Variants in MPDZ observed in about 807,000 individuals in gnomAD.
MPDZ encodes the protein multiple PDZ domain protein.
In MPDZ, 234 loss-of-function variants were observed where a neutral mutation model predicts 239.1. That is an observed-to-expected ratio of 0.98 (90% CI 0.88 to 1.09). The LOEUF (loss-of-function observed/expected upper bound fraction) is 1.09, where lower values mean the gene tolerates loss of function less well. MPDZ is among the 50% of genes least tolerant of loss of function. MPDZ has a pLI of 0.00. For synonymous variants in MPDZ, 1,048 were observed against 881.3 expected, an observed-to-expected ratio of 1.19 and a Z score of -3.35; for missense variants, 3,175 against 2,510.0, an observed-to-expected ratio of 1.26 and a Z score of -5.66.
Position 13,115,248 on chromosome 9 carries a change from C to T in MPDZ, c.5466G>A (p.Gln1822=). ...HSERRPSQSS[Q]VSEGSLSSFT... ...CCTGATGAACTCCACAGCTACCCAC[C>T]TGGCTGCTTTGAGATGGCCTCCTCT... Residue 1822 remains glutamine, a splice_region_variant and synonymous_variant, in exon 40 of 47, where the codon CAG becomes CAA. Coordinates refer to ENST00000319217, the MANE Select transcript of MPDZ (RefSeq NM_001378778.1). 2 of 1,612,022 alleles carry T rather than the reference C, an allele frequency of 1.2e-6. No individual in the cohort carries two copies. Among genetic ancestry groups the T allele is most frequent in the Non-Finnish European group, 1.7e-6 (2 of 1,179,290 alleles).
intron 36 of MPDZ, 107 bp from the exon 37 acceptor site, chr9:13,122,277 A>G (rs1409271914): frequency 1.4e-5 from 14 of 979,952 alleles, no homozygotes; most frequent in Non-Finnish European, 2.0e-5. Context: ...AATAAGGGTT[A>G]TAAACTCTGG....
At chr9:13,131,626 T>G (rs1052747736) in intron 32 of MPDZ, among the ~76,000 whole-genome samples, 4 of 152,156 alleles carry the variant, frequency 2.6e-5, no homozygotes, top group Non-Finnish European at 4.4e-5. Context: ...TCTCCACTGA[T>G]AACAAGTTTC....
Position 13,222,418 on chromosome 9 carries a change from T to G in MPDZ, c.562A>C (p.Ile188Leu). 1.2e-6 allele frequency: 2 copies of G among 1,612,336 alleles called. No homozygotes were observed. Among genetic ancestry groups the G allele is most frequent in the South Asian group, 1.1e-5 (1 of 90,990 alleles). The change falls in exon 6 of 47, where the codon ATT (isoleucine) becomes CTT (leucine). Residue 188 changes from isoleucine to leucine, a missense_variant. Ile to Leu is a conservative substitution (Grantham distance 5). Transcript: ENST00000319217. ...AGAGCCTGTCCATTGATAGCAAGAA[T>G]TTGATCAGTTTCTTTCAATCTTCCA... The part of the protein sequence containing the change: ...RDGRLKETDQ[I>L]LAINGQALDQ...
At chr9:13,199,605 T>G (rs989359447) in intron 12 of MPDZ, among the ~76,000 whole-genome samples, 2 of 152,038 alleles carry the variant, frequency 1.3e-5, no homozygotes, top group African/African-American at 4.8e-5. Flanking sequence ...GTCTTTGGAC[T>G]TTTCTCTGTT....
chr9:13,205,799 G>T lies in MPDZ; in HGVS notation c.1474+117C>A, dbSNP rs775501570. On this transcript the variant is annotated intron_variant, in intron 11 of 46. Coordinates refer to ENST00000319217, the MANE Select transcript of MPDZ (RefSeq NM_001378778.1). ...CTTGGTTTATAATGAATAGTTGAGG[G>T]TAAAAAGCATTCTGAATAATTAAGA... is the stretch of plus-strand genomic sequence containing the variant. The T allele has an allele frequency of 9.5e-6, 9 of 946,048 alleles. 1 individual carries two copies. The highest frequency in any genetic ancestry group is 6.5e-4 in the Middle Eastern group (2 of 3,082). 58.6% of individuals were successfully genotyped at this position (946,048 alleles called of 1,614,324 possible).
At chr9:13,145,610 A>G (rs1454115405) in intron 26 of MPDZ, among the ~76,000 whole-genome samples, 1 of 152,066 alleles carries the variant, frequency 6.6e-6, no homozygotes, top group African/African-American at 2.4e-5. Flanking sequence ...ATTGAAACAA[A>G]ACATATCTCA....
intron 6 of MPDZ, 58 bp from the exon 7 acceptor site, chr9:13,221,558 A>G: frequency 1.3e-6 from 2 of 1,551,394 alleles, no homozygotes; most frequent in Non-Finnish European, 8.7e-7. Flanking sequence ...ACCATTTTAC[A>G]TTACAGTAGA....
intron 10 of MPDZ, among the ~76,000 whole-genome samples, chr9:13,207,783 T>C (rs1957164879): frequency 1.3e-5 from 2 of 152,232 alleles, no homozygotes; most frequent in African/African-American, 2.4e-5. Flanking sequence ...AACATGGTGC[T>C]GTCCATACTA....
intron 3 of MPDZ, among the ~76,000 whole-genome samples, chr9:13,224,950 A>G (rs532560823): frequency 6.6e-6 from 1 of 152,208 alleles, no homozygotes; most frequent in East Asian, 1.9e-4. Flanking sequence ...CCCTCTCAGA[A>G]TTTCCTGAGT....
chr9:13,180,646 A>T (rs916370511), intron 19 of MPDZ, among the ~76,000 whole-genome samples: 4 of 152,242 alleles, frequency 2.6e-5, no homozygotes, highest in Non-Finnish European at 5.9e-5. Context: ...TGGAGGTAAC[A>T]AGGGAAAAGG....
chr9:13,112,305 T>G (rs1298669881), intron 42 of MPDZ, among the ~76,000 whole-genome samples, 159 bp from the exon 43 acceptor site: 1 of 152,198 alleles, frequency 6.6e-6, no homozygotes, highest in African/African-American at 2.4e-5. Context: ...TTGACACAGG[T>G]GCTTAGCGTG....
rs148447902 is a variant in MPDZ, at chr9:13,258,728, T to C, written c.-57-8356A>G. Reference sequence around the variant, plus strand: ...TTCTTCTGAACTTCTCCCTCATTTTTATAGGCTTTGATCAAAAAAGCATTC... The same window carrying C: ...TTCTTCTGAACTTCTCCCTCATTTTCATAGGCTTTGATCAAAAAAGCATTC... On this transcript the variant is annotated intron_variant, in intron 1 of 46. Coordinates refer to ENST00000319217, the MANE Select transcript of MPDZ (RefSeq NM_001378778.1). Among the ~76,000 whole-genome samples the C allele has an allele frequency of 5.6e-4, 86 of 152,336 alleles. 1 individual carries two copies. The East Asian group carries it at 0.016, about 29-fold the overall frequency.
intron 10 of MPDZ, among the ~76,000 whole-genome samples, chr9:13,211,835 A>C (rs1429423342): frequency 6.6e-6 from 1 of 152,128 alleles, no homozygotes; most frequent in Non-Finnish European, 1.5e-5. Flanking sequence ...GAATTTTTCT[A>C]AATTTTAAAC....
chr9:13,175,615 A>C, intron 21 of MPDZ, 137 bp downstream of exon 21: 1 of 883,478 alleles, frequency 1.1e-6, no homozygotes, highest in East Asian at 2.7e-5. Flanking sequence ...ATGAGGACAT[A>C]GAAATAAAAA....
intron 17 of MPDZ, 32 bp downstream of exon 17, chr9:13,188,752 A>G: frequency 6.3e-7 from 1 of 1,591,368 alleles, no homozygotes; most frequent in South Asian, 1.1e-5. Context: ...GCTTATAAAT[A>G]TAAAGGGAAG....
chr9:13,137,275 A>G (rs917513457), intron 29 of MPDZ, among the ~76,000 whole-genome samples: 3 of 152,220 alleles, frequency 2.0e-5, no homozygotes, highest in African/African-American at 7.2e-5. Flanking sequence ...TTTAGGCAGC[A>G]AACTGTGCCT....
chr9:13,109,969 T>C lies in MPDZ; in HGVS notation c.5925A>G (p.Ile1975Met). The change falls in exon 45 of 47, where the codon ATA (isoleucine) becomes ATG (methionine). Residue 1975 changes from isoleucine (I) to methionine (M), a missense_variant. Ile to Met is a conservative substitution (Grantham distance 10, BLOSUM62 1). Coordinates refer to ENST00000319217, the MANE Select transcript of MPDZ (RefSeq NM_001378778.1). The part of the protein sequence containing the change: ...LSFTGLTSSS[I>M]FQDDLGPPQC... Reference sequence around the variant, plus strand: ...GAACTCACCCTAAATCATCCTGAAATATACTGCTTGACGTCAGCCCAGTGA... The same window carrying C: ...GAACTCACCCTAAATCATCCTGAAACATACTGCTTGACGTCAGCCCAGTGA... 1 of 1,612,830 alleles carries C rather than the reference T, an allele frequency of 6.2e-7. No homozygotes were observed. Among genetic ancestry groups the C allele is most frequent in the Non-Finnish European group, 8.5e-7 (1 of 1,179,542 alleles).
chr9:13,144,717 A>T (rs1948202839), intron 26 of MPDZ, among the ~76,000 whole-genome samples: 1 of 152,072 alleles, frequency 6.6e-6, no homozygotes, highest in Admixed American at 6.6e-5. Flanking sequence ...CTCTTCTTGC[A>T]ATGTTTTTCC....
chr9:13,221,327 T>G, intron 7 of MPDZ, 45 bp downstream of exon 7: 1 of 1,536,290 alleles, frequency 6.5e-7, no homozygotes, highest in South Asian at 1.3e-5. Context: ...GATGTACCCA[T>G]ATTATTTGAT....
Sources: allele counts gnomAD v4.1 joint callset (sites outside exome capture counted in the v4.1 genomes callset), GRCh38; gene constraint gnomAD v4.1.1; transcripts MANE v1.5; gene names NCBI Gene and HGNC (gene_info 2026-07-23, HGNC 2026-07-21).